The following CNTNAP2 variants were observed in gnomAD, a reference collection of about 807,000 sequenced individuals.
CNTNAP2 encodes the protein contactin associated protein 2.
CNTNAP2 carries 98 observed loss-of-function variants against 155.2 expected under a neutral mutation model. That is an observed-to-expected ratio of 0.63 (90% CI 0.54 to 0.75). CNTNAP2 has a LOEUF of 0.75. Ranked by LOEUF, CNTNAP2 falls within the 30% of genes least tolerant of loss-of-function variation. The pLI is 0.00. For synonymous variants in CNTNAP2, 651 were observed against 631.2 expected (o/e 1.03, Z -0.47); for missense variants, 1,727 against 1,688.1 (o/e 1.02, Z -0.40).
At chr7:147,053,951 C>T (rs1799515060) in intron 4 of CNTNAP2, among the ~76,000 whole-genome samples, 1 of 152,084 alleles carries the variant, frequency 6.6e-6, no homozygotes, top group Admixed American at 6.6e-5. Context: ...CCAGCCCAAT[C>T]CTCTATTTTA....
At chr7:147,969,933 A>ATTTTATTTTAT (rs1399287024) in intron 14 of CNTNAP2, among the ~76,000 whole-genome samples, 5 of 148,684 alleles carry the variant, frequency 3.4e-5, no homozygotes, top group African/African-American at 7.3e-5. Flanking sequence ...ATTTTATTTT[A>ATTTTATTTTAT]TTTATTTTAT....
At chr7:146,616,595 C>CA (rs1004709741) in intron 1 of CNTNAP2, among the ~76,000 whole-genome samples, 24 of 151,658 alleles carry the variant, frequency 1.6e-4, no homozygotes, top group South Asian at 2.1e-4. Flanking sequence ...AATTTATAGT[C>CA]AAAAAAAAGC....
At chr7:146,589,467 C>T (rs1337702819) in intron 1 of CNTNAP2, among the ~76,000 whole-genome samples, 2 of 152,016 alleles carry the variant, frequency 1.3e-5, no homozygotes, top group Admixed American at 1.3e-4. Flanking sequence ...GAAGAAGCTG[C>T]AAACTATCAT....
At position 146,487,696 on chromosome 7, in the gene CNTNAP2, C is replaced by T. The variant is rs115428280; in HGVS notation, c.98-286575C>T. ...TGCCATAAAGTCTGGGGAAGAGAGG[C>T]TTACGCAGCATCCTCAAGTACAGAT... On this transcript the variant is annotated intron_variant, in intron 1 of 23. Coordinates refer to ENST00000361727, the MANE Select transcript of CNTNAP2 (RefSeq NM_014141.6). Among the ~76,000 whole-genome samples the T allele has an allele frequency of 6.3e-3, 957 of 152,270 alleles. 6 individuals are homozygous for T. The highest frequency in any genetic ancestry group is 0.022 in the African/African-American group (925 of 41,550).
intron 1 of CNTNAP2, among the ~76,000 whole-genome samples, chr7:146,258,899 TACTG>T (rs1440793841): frequency 6.6e-6 from 1 of 152,194 alleles, no homozygotes; most frequent in Non-Finnish European, 1.5e-5. Context: ...TATGTTATCA[TACTG>T]AGTGATATGG....
intron 3 of CNTNAP2, among the ~76,000 whole-genome samples, chr7:146,854,208 G>A (rs1047201610): frequency 6.6e-6 from 1 of 152,206 alleles, no homozygotes; most frequent in Non-Finnish European, 1.5e-5. Flanking sequence ...AGCTGGACCA[G>A]GGTCCATGTG....
At chr7:147,562,041 T>C (rs1800073471) in intron 11 of CNTNAP2, 97 bp from the exon 12 acceptor site, 4 of 1,475,670 alleles carry the variant, frequency 2.7e-6, no homozygotes, top group Non-Finnish European at 3.8e-6. Flanking sequence ...TACTCCTAAC[T>C]AGTGGTTTGC....
At chr7:147,253,927 A>G (rs946547586) in intron 8 of CNTNAP2, among the ~76,000 whole-genome samples, 6 of 152,118 alleles carry the variant, frequency 3.9e-5, no homozygotes, top group African/African-American at 1.4e-4. Context: ...TTTTAGTGAC[A>G]AGGGCCCTCT....
At chr7:147,466,250 C>G (rs1798117410) in intron 10 of CNTNAP2, among the ~76,000 whole-genome samples, 1 of 152,210 alleles carries the variant, frequency 6.6e-6, no homozygotes, top group Admixed American at 6.5e-5. Context: ...CTTGGCCTCT[C>G]TCTACAGCAT....
chr7:146,736,044 C>T (rs1181204868), intron 1 of CNTNAP2, among the ~76,000 whole-genome samples: 2 of 151,874 alleles, frequency 1.3e-5, no homozygotes, highest in South Asian at 4.2e-4. Context: ...TATTATAGGT[C>T]AATTACAAGC....
intron 13 of CNTNAP2, among the ~76,000 whole-genome samples, chr7:147,770,217 A>G (rs1278474559): frequency 6.6e-6 from 1 of 152,218 alleles, no homozygotes; most frequent in African/African-American, 2.4e-5. Context: ...TTACAGGTTG[A>G]TTACACGTGA....
At chr7:147,848,434 A>G (rs1584987923) in intron 13 of CNTNAP2, among the ~76,000 whole-genome samples, 1 of 151,004 alleles carries the variant, frequency 6.6e-6, no homozygotes, top group Non-Finnish European at 1.5e-5. Context: ...CAGGTGAGGC[A>G]ATGCCTCGCC....
chr7:146,759,713 GTGGGT>G (rs1442102716), intron 1 of CNTNAP2, among the ~76,000 whole-genome samples: 4 of 135,794 alleles, frequency 2.9e-5, no homozygotes, highest in Admixed American at 7.2e-5. Context: ...AAAAAAAAAG[GTGGGT>G]GGGGTGGGGT....
chr7:147,639,413 G>A, intron 13 of CNTNAP2, 107 bp downstream of exon 13: 3 of 1,016,672 alleles, frequency 3.0e-6, no homozygotes, highest in South Asian at 2.7e-5. Context: ...CTAGTCTTCA[G>A]TAGGAAGGAA....
intron 10 of CNTNAP2, among the ~76,000 whole-genome samples, chr7:147,444,530 T>C (rs935125676): frequency 4.0e-5 from 6 of 151,250 alleles, no homozygotes; most frequent in Non-Finnish European, 7.4e-5. Flanking sequence ...ATTTTCTTTT[T>C]TTTTTTTTTT....
chr7:147,225,735 G>A (rs34549491), intron 8 of CNTNAP2, among the ~76,000 whole-genome samples: 2 of 133,364 alleles, frequency 1.5e-5, no homozygotes, highest in African/African-American at 5.8e-5. Flanking sequence ...TTTAAGTTAG[G>A]AAGGAAAGAA....
intron 8 of CNTNAP2, among the ~76,000 whole-genome samples, chr7:147,170,676 C>G (rs1284713095): frequency 1.3e-5 from 2 of 152,182 alleles, no homozygotes; most frequent in Admixed American, 1.3e-4. Flanking sequence ...AACCTGCTCA[C>G]GGCTCCCTCC....
intron 16 of CNTNAP2, among the ~76,000 whole-genome samples, chr7:148,118,707 A>G (rs1016403621): frequency 1.3e-5 from 2 of 152,142 alleles, no homozygotes; most frequent in African/African-American, 2.4e-5. Context: ...ATAACTAGTG[A>G]CATCCGTGTG....
intron 8 of CNTNAP2, among the ~76,000 whole-genome samples, chr7:147,193,076 A>G (rs143968484): frequency 6.6e-6 from 1 of 152,324 alleles, no homozygotes; most frequent in East Asian, 1.9e-4. Context: ...TGACAATAAT[A>G]TAATACTTAA....
Sources: gnomAD v4.1 joint callset for allele counts (sites outside exome capture counted in the v4.1 genomes callset) on GRCh38, gnomAD v4.1.1 for gene constraint, MANE v1.5 for transcripts, NCBI Gene and HGNC (gene_info 2026-07-23, HGNC 2026-07-21) for gene names.